MGAM2: variants seen among roughly 807,000 people sequenced by gnomAD.
The protein encoded by MGAM2 is maltase-glucoamylase 2 (putative).
A neutral mutation model predicts 96.1 loss-of-function variants in MGAM2; 98 were observed. The ratio of observed to expected loss-of-function variants is 1.02; its 90% CI spans 0.87 to 1.21. The LOEUF is 1.21. Ranked by LOEUF, MGAM2 falls within the 50% of genes most tolerant of loss-of-function variation. The pLI, the probability that MGAM2 is intolerant of heterozygous loss-of-function variation, is 0.00. For missense variants in MGAM2, 2,055 were observed against 1,182.4 expected (o/e 1.74, Z -10.82); for synonymous variants, 749 against 414.8 (o/e 1.81, Z -9.79).
intron 46 of MGAM2, among the ~76,000 whole-genome samples, chr7:142,216,949 A>G (rs541307363): frequency 2.0e-5 from 3 of 152,306 alleles, no homozygotes; most frequent in Non-Finnish European, 4.4e-5. Flanking sequence ...AGCACCAGCT[A>G]TGGTTGTCCT....
Position 142,208,250 on chromosome 7 carries a change from T to A in MGAM2, c.5138-323T>A, listed in dbSNP as rs1463471693. On this transcript the variant is annotated intron_variant, in intron 45 of 47. Coordinates refer to ENST00000477922, the MANE Select transcript of MGAM2 (RefSeq NM_001293626.2). ...AACACCACTGCTATGTGAACTCCTA[T>A]GACTACATGCTTGCTGTCTCGCACA... The A allele has an allele frequency of 6.0e-6, 3 of 499,500 alleles. No individual in the cohort carries two copies. The Admixed American group carries it at 6.9e-5, about 11-fold the overall frequency. 30.9% of individuals were successfully genotyped at this position (499,500 alleles called of 1,614,324 possible).
At chr7:142,197,373 C>A (rs1797076642) in intron 40 of MGAM2, 27 bp from the exon 41 acceptor site, 1 of 699,780 alleles carries the variant, frequency 1.4e-6, no homozygotes, top group Admixed American at 2.0e-5. Context: ...AAGAGGTGAT[C>A]CATTATATGC....
chr7:142,155,196 A>T (rs976758821), intron 17 of MGAM2, among the ~76,000 whole-genome samples: 1 of 152,196 alleles, frequency 6.6e-6, no homozygotes, highest in South Asian at 2.1e-4. Flanking sequence ...CCTCATAGGT[A>T]TGGAGGAACA....
rs1477670701 is a variant in MGAM2 at position 142,172,693 on chromosome 7, A to G, written c.3490A>G (p.Thr1164Ala). 2 of 705,176 alleles carry G rather than the reference A, an allele frequency of 2.8e-6. No individual in the cohort carries two copies. Among genetic ancestry groups the G allele is most frequent in the Non-Finnish European group, 5.2e-6 (2 of 385,966 alleles). 43.7% of individuals were successfully genotyped at this position (705,176 alleles called of 1,614,324 possible). ...CACTCCTGCTCTGACATACCGCACCACAGGAGGGATTTTGGACTTCTACAT... is the reference window on the plus strand; with the variant it reads ...CACTCCTGCTCTGACATACCGCACCGCAGGAGGGATTTTGGACTTCTACAT... The part of the protein sequence containing the change: ...QPTPALTYRT[T>A]GGILDFYIVL... The change falls in exon 30 of 48, where the codon ACA (threonine) becomes GCA (alanine). Residue 1164 changes from threonine to alanine, a missense_variant. Thr to Ala is a moderately conservative substitution (Grantham distance 58). Transcript: ENST00000477922.
rs376553446 is a variant in MGAM2 at position 142,141,703 on chromosome 7, T to C, written c.1317+584T>C. ...TTAGTAGAGACGGGGTTTCTCCATA[T>C]TGGCCAGGTTGATCTCGAACTCCTG... On this transcript the variant is annotated intron_variant, in intron 12 of 47. Coordinates refer to ENST00000477922, the MANE Select transcript of MGAM2 (RefSeq NM_001293626.2). 8.5e-4 allele frequency among the ~76,000 whole-genome samples: 130 copies of C among 152,082 alleles called. 3 individuals are homozygous for C. Among genetic ancestry groups the C allele is most frequent in the African/African-American group, 3.1e-3 (127 of 41,388 alleles).
intron 35 of MGAM2, among the ~76,000 whole-genome samples, chr7:142,187,217 T>C (rs747267724): frequency 6.6e-6 from 1 of 152,220 alleles, no homozygotes; most frequent in African/African-American, 2.4e-5. Context: ...TTTTTAGAAA[T>C]ATATTTATAG....
At position 142,158,037 on chromosome 7, in the gene MGAM2, T is replaced by G; in HGVS notation, c.2024T>G (p.Leu675Arg). The G allele has an allele frequency of 1.4e-6, 1 of 702,972 alleles. No homozygotes were observed. 43.5% of individuals were successfully genotyped at this position (702,972 alleles called of 1,614,324 possible). The change falls in exon 18 of 48, where the codon CTT becomes CGT. Residue 675 changes from leucine (L) to arginine (R), a missense_variant. Physicochemically the swap from Leu to Arg is moderately radical, Grantham distance 102. Transcript: ENST00000477922. ...ACCTTGCTGCCCTATCTCTATACCC[T>G]TTTCTACCATGCTCACACCCGGGGA... ...RYTLLPYLYT[L>R]FYHAHTRGET...
chr7:142,131,149 C>T, intron 4 of MGAM2, 78 bp downstream of exon 4: 4 of 671,380 alleles, frequency 6.0e-6, no homozygotes, highest in Non-Finnish European at 1.1e-5. Context: ...AAAATAAAAG[C>T]TAAAAGTCAG....
intron 15 of MGAM2, among the ~76,000 whole-genome samples, chr7:142,149,760 C>G (rs559253689): frequency 4.5e-4 from 68 of 151,902 alleles, no homozygotes; most frequent in African/African-American, 1.6e-3. Context: ...CCAGGATGGT[C>G]TCCATCTCCT....
At chr7:142,181,451 T>C in intron 32 of MGAM2, among the ~76,000 whole-genome samples, 1 of 152,238 alleles carries the variant, frequency 6.6e-6, no homozygotes, top group Non-Finnish European at 1.5e-5. Flanking sequence ...CTTATTCAGC[T>C]GCAGGCCTCT....
chr7:142,134,399 G>A (rs975720305), intron 7 of MGAM2, among the ~76,000 whole-genome samples: 1 of 151,994 alleles, frequency 6.6e-6, no homozygotes, highest in African/African-American at 2.4e-5. Context: ...CTTTTAATGG[G>A]AAATACAATT....
chr7:142,219,671 G>A (rs988345689), intron 47 of MGAM2, among the ~76,000 whole-genome samples, 199 bp from the exon 48 acceptor site: 1 of 152,112 alleles, frequency 6.6e-6, no homozygotes, highest in Admixed American at 6.6e-5. Context: ...TTCCAGCATA[G>A]GGATTATGCA....
rs1037614297 is a variant in MGAM2 at position 142,221,449 on chromosome 7, C to T, written c.6938C>T (p.Ser2313Phe). Residue 2313 changes from serine (S) to phenylalanine (F), a missense_variant, in exon 48 of 48, where the codon TCT becomes TTT. Physicochemically the swap from Ser to Phe is radical, Grantham distance 155. Coordinates refer to ENST00000477922, the MANE Select transcript of MGAM2 (RefSeq NM_001293626.2). ...TLTSIPSSITSILSMFPTSNT... is the reference protein window; with the variant it reads ...TLTSIPSSITFILSMFPTSNT... ...ACTTCTATTCCTAGCTCTATTACTTCTATTTTGAGCATGTTTCCAACAAGT... is the reference window on the plus strand; with the variant it reads ...ACTTCTATTCCTAGCTCTATTACTTTTATTTTGAGCATGTTTCCAACAAGT... 8.7e-6 allele frequency: 5 copies of T among 577,814 alleles called. No individual in the cohort carries two copies. In the African/African-American group the frequency reaches 9.3e-5, roughly 11 times the overall value. 35.8% of individuals were successfully genotyped at this position (577,814 alleles called of 1,614,324 possible). A position where few individuals can be genotyped will look rare whatever the true frequency, so the allele number is the denominator to read the frequency against.
At chr7:142,152,098 G>A (rs1460063048) in intron 15 of MGAM2, among the ~76,000 whole-genome samples, 2 of 151,982 alleles carry the variant, frequency 1.3e-5, no homozygotes, top group African/African-American at 4.8e-5. Flanking sequence ...GGCCAGACCT[G>A]GGGGATAGAA....
chr7:142,168,190 C>A (rs1270222874), intron 26 of MGAM2, among the ~76,000 whole-genome samples: 1 of 152,022 alleles, frequency 6.6e-6, no homozygotes, highest in Non-Finnish European at 1.5e-5. Flanking sequence ...ATTTTAAAAC[C>A]CAGATTTCTT....
chr7:142,146,463 T>C (rs1428804419), intron 14 of MGAM2, among the ~76,000 whole-genome samples: 2 of 152,158 alleles, frequency 1.3e-5, no homozygotes, highest in East Asian at 1.9e-4. Flanking sequence ...TCTGTTATAC[T>C]GCGTAGGAAA....
At chr7:142,128,339 C>G (rs1176214090) in intron 3 of MGAM2, among the ~76,000 whole-genome samples, 2 of 152,100 alleles carry the variant, frequency 1.3e-5, no homozygotes, top group African/African-American at 4.8e-5. Context: ...AATTTGCAGC[C>G]TGATGATGCA....
chr7:142,146,820 C>T (rs12668704), intron 14 of MGAM2, among the ~76,000 whole-genome samples: 56,598 of 151,272 alleles, frequency 0.37, 11,152 homozygotes, highest in East Asian at 0.47. Flanking sequence ...CTCCGCCTCC[C>T]GGGCTCAAGT....
At chr7:142,127,016 G>T (rs1398732768) in intron 3 of MGAM2, among the ~76,000 whole-genome samples, 1 of 152,186 alleles carries the variant, frequency 6.6e-6, no homozygotes, top group African/African-American at 2.4e-5. Flanking sequence ...ATTAATGGTG[G>T]TATCTGTCTT....
Sources: gnomAD v4.1 joint callset for allele counts (sites outside exome capture counted in the v4.1 genomes callset) on GRCh38, gnomAD v4.1.1 for gene constraint, MANE v1.5 for transcripts, NCBI Gene and HGNC (gene_info 2026-07-23, HGNC 2026-07-21) for gene names.